ZNF324B: variants seen among roughly 807,000 people sequenced by gnomAD.
ZNF324B encodes the protein zinc finger protein 324B.
ZNF324B carries 7 observed loss-of-function variants against 10.6 expected under a neutral mutation model. The observed-to-expected ratio is 0.66, with a 90% CI of 0.38 to 1.24. The LOEUF is 1.24. ZNF324B is among the 50% of genes most tolerant of loss of function. The pLI, the probability that ZNF324B is intolerant of heterozygous loss-of-function variation, is 0.02. For synonymous variants in ZNF324B, 316 were observed against 321.0 expected, an observed-to-expected ratio of 0.98 and a Z score of 0.17; for missense variants, 640 against 764.7, an observed-to-expected ratio of 0.84 and a Z score of 1.92.
At position 58,457,009 on chromosome 19, in the gene ZNF324B, C is replaced by G. The variant is rs2052929772; in HGVS notation, c.*430C>G. ...ACACAAACTGGCCGCTAGACGGACGCTGAGGACATTTTCCCCCTGAGGCCT... is the reference window on the plus strand; with the variant it reads ...ACACAAACTGGCCGCTAGACGGACGGTGAGGACATTTTCCCCCTGAGGCCT... On this transcript the variant is annotated 3_prime_UTR_variant, in exon 4 of 4. Transcript: ENST00000336614. 1 of 196,176 alleles carries G rather than the reference C, an allele frequency of 5.1e-6. No homozygotes were observed. The highest frequency in any genetic ancestry group is 2.3e-5 in the African/African-American group (1 of 43,430). 12.2% of individuals were successfully genotyped at this position (196,176 alleles called of 1,614,324 possible).
the ZNF324B span, among the ~76,000 whole-genome samples, chr19:58,439,198 C>T: frequency 6.6e-6 from 1 of 152,210 alleles, no homozygotes; most frequent in East Asian, 1.9e-4. Flanking sequence ...TGTCCAGCTA[C>T]CCAAAGCACA....
At chr19:58,431,688 T>C in the ZNF324B span, among the ~76,000 whole-genome samples, 1 of 152,150 alleles carries the variant, frequency 6.6e-6, no homozygotes, top group Non-Finnish European at 1.5e-5. Flanking sequence ...ACATGGTAAA[T>C]AAGCTTTTTA....
the ZNF324B span, chr19:58,442,967 G>C: frequency 1.3e-5 from 2 of 152,192 alleles, no homozygotes; most frequent in Non-Finnish European, 2.9e-5. Flanking sequence ...ATTTGGCCCT[G>C]CCCACATCCT....
the ZNF324B span, chr19:58,433,387 C>A: frequency 6.2e-7 from 1 of 1,614,100 alleles, no homozygotes; most frequent in Non-Finnish European, 8.5e-7. Context: ...CCCACACTGG[C>A]TACACTCATA....
chr19:58,456,167 A>C lies in ZNF324B; in HGVS notation c.1223A>C (p.Gln408Pro), dbSNP rs2052918461. Residue 408 changes from glutamine to proline, a missense_variant, in exon 4 of 4, where the codon CAG (glutamine) becomes CCG (proline). Gln to Pro is a moderately conservative substitution (Grantham distance 76). Around this residue, in one of 3 missense-constraint regions of ZNF324B, gnomAD observed 238 missense variants for 258.0 expected, o/e 0.92. Coordinates refer to ENST00000336614, the MANE Select transcript of ZNF324B (RefSeq NM_207395.3). This position sits in a 1 kb window ranked among gnomAD's most constrained non-coding sequence, Gnocchi z 4.7. Reference sequence around the variant, plus strand: ...GCGCTCTGCGGTGCTGCCTTCAGCCAGGGCTCCTCGCTCTTTTTGCACCAG... The same window carrying C: ...GCGCTCTGCGGTGCTGCCTTCAGCCCGGGCTCCTCGCTCTTTTTGCACCAG... ...VCALCGAAFSQGSSLFLHQRV... is the reference protein window; with the variant it reads ...VCALCGAAFSPGSSLFLHQRV... 1 of 1,613,198 alleles carries C rather than the reference A, an allele frequency of 6.2e-7. No homozygotes were observed. The highest frequency in any genetic ancestry group is 1.1e-5 in the South Asian group (1 of 91,068).
rs770711255 is a variant in ZNF324B at position 58,455,532 on chromosome 19, G to A, written c.588G>A (p.Lys196=). 1.9e-5 allele frequency: 31 copies of A among 1,614,082 alleles called. No homozygotes were observed. In the Middle Eastern group the frequency reaches 4.9e-4, roughly 26 times the overall value. Reference sequence around the variant, plus strand: ...AGCCCAGGACGCCTGAGCGGCAGAAGCCATGTGCACAGGAGGTCCCTGGGA... The same window carrying A: ...AGCCCAGGACGCCTGAGCGGCAGAAACCATGTGCACAGGAGGTCCCTGGGA... The part of the protein sequence containing the change: ...GRQPRTPERQ[K]PCAQEVPGRA... Residue 196 remains lysine, a synonymous_variant, in exon 4 of 4, where the codon AAG becomes AAA. Coordinates refer to ENST00000336614, the MANE Select transcript of ZNF324B (RefSeq NM_207395.3). This position sits in a 1 kb window ranked among gnomAD's most constrained non-coding sequence, Gnocchi z 7.0.
the ZNF324B span, among the ~76,000 whole-genome samples, chr19:58,427,335 CTTTCTTTCTCTTTCCTTTCTTTCTTT>C: frequency 2.1e-5 from 2 of 96,822 alleles, no homozygotes; most frequent in East Asian, 4.8e-4. Context: ...TTCTTTCTTT[CTTTCTTTCTCTTTCCTTTCTTTCTTT>C]CTTTCTTTCT....
upstream of ZNF324B, among the ~76,000 whole-genome samples, chr19:58,446,743 AT>A (rs2052829770): frequency 6.6e-6 from 1 of 150,792 alleles, no homozygotes; most frequent in Admixed American, 6.6e-5. Context: ...CGCCCGGCTA[AT>A]TTTTTGTATT....
chr19:58,455,212 G>A lies in ZNF324B; in HGVS notation c.268G>A (p.Val90Ile), dbSNP rs370040670. Reference protein sequence around the residue: ...GSWSLTEDRDVSGEWPRAFPD... With the variant: ...GSWSLTEDRDISGEWPRAFPD... The stretch of plus-strand genomic sequence containing the variant: ...CTGGAGTTTGACAGAGGATAGAGAT[G>A]TTTCTGGAGAATGGCCACGAGCTTT... The change falls in exon 4 of 4, where the codon GTT becomes ATT. Residue 90 changes from valine (V) to isoleucine (I), a missense_variant. Around this residue, in one of 3 missense-constraint regions of ZNF324B, gnomAD observed 345 missense variants for 387.9 expected, o/e 0.89. Transcript: ENST00000336614. This position sits in a 1 kb window ranked among gnomAD's most constrained non-coding sequence, Gnocchi z 7.0. 1.7e-5 allele frequency: 27 copies of A among 1,614,062 alleles called. No homozygotes were observed. Among genetic ancestry groups the A allele is most frequent in the African/African-American group, 1.6e-4 (12 of 74,910 alleles).
At chr19:58,440,129 C>T in the ZNF324B span, 2 of 419,762 alleles carry the variant, frequency 4.8e-6, no homozygotes, top group African/African-American at 4.2e-5. Context: ...GCCCAACCCA[C>T]CAGCAGCAAA....
chr19:58,424,680 T>C, the ZNF324B span, among the ~76,000 whole-genome samples: 2 of 152,160 alleles, frequency 1.3e-5, no homozygotes, highest in African/African-American at 4.8e-5. Context: ...GTTCTTAAAA[T>C]GTTAAACATA....
chr19:58,427,377 T>C, the ZNF324B span, among the ~76,000 whole-genome samples: 415 of 45,848 alleles, frequency 9.1e-3, 11 homozygotes, highest in African/African-American at 0.03. Context: ...TTTCTTTCTT[T>C]CTTTCTTTCT....
chr19:58,420,418 CA>C, the ZNF324B span, among the ~76,000 whole-genome samples: 780 of 134,784 alleles, frequency 5.8e-3, 2 homozygotes, highest in East Asian at 0.011. Context: ...GACTCTGTCT[CA>C]AAAAAAAAAA....
chr19:58,427,504 T>C, the ZNF324B span, among the ~76,000 whole-genome samples: 162 of 104,522 alleles, frequency 1.5e-3, no homozygotes, highest in African/African-American at 3.3e-3. Flanking sequence ...CTTTCTTTCT[T>C]TTTCTTTCTT....
chr19:58,420,783 C>G, the ZNF324B span, among the ~76,000 whole-genome samples: 2 of 151,844 alleles, frequency 1.3e-5, no homozygotes, highest in South Asian at 4.2e-4. Context: ...TCTCAGCACA[C>G]TGCAACCTCC....
At position 58,454,936 on chromosome 19, in the gene ZNF324B, G is replaced by A. The variant is rs1327618758; in HGVS notation, c.239-247G>A. 4.6e-6 allele frequency: 3 copies of A among 647,600 alleles called. No individual in the cohort carries two copies. In the African/African-American group the frequency reaches 5.4e-5, roughly 12 times the overall value. The allele number at this position is 647,600 out of a possible 1,614,324, so 40.1% of individuals were successfully genotyped here. ...CACGCAGCAGCTGCTGTTTTCCTCAGCTTCACATCCTGGGTGTCTGGGGGC... is the reference window on the plus strand; with the variant it reads ...CACGCAGCAGCTGCTGTTTTCCTCAACTTCACATCCTGGGTGTCTGGGGGC... On this transcript the variant is annotated intron_variant, in intron 3 of 3. Transcript: ENST00000336614.
At chr19:58,425,275 G>T in the ZNF324B span, among the ~76,000 whole-genome samples, 24,627 of 151,718 alleles carry the variant, frequency 0.16, 2,413 homozygotes, top group Non-Finnish European at 0.22. Context: ...AAAAAGATGG[G>T]GTCTTGCTCT....
the ZNF324B span, among the ~76,000 whole-genome samples, chr19:58,423,231 C>T: frequency 6.6e-6 from 1 of 152,124 alleles, no homozygotes; most frequent in Non-Finnish European, 1.5e-5. Flanking sequence ...GCGATCTCGG[C>T]TCACTGCAAG....
the ZNF324B span, among the ~76,000 whole-genome samples, chr19:58,427,349 C>CTTTCTTTCTTTCCTTCTTTCTTT: frequency 1.8e-5 from 1 of 55,960 alleles, no homozygotes; most frequent in Non-Finnish European, 3.5e-5. Flanking sequence ...CTTTCTCTTT[C>CTTTCTTTCTTTCCTTCTTTCTTT]CTTTCTTTCT....
Sources: allele counts gnomAD v4.1 joint callset (sites outside exome capture counted in the v4.1 genomes callset), GRCh38; gene constraint gnomAD v4.1.1; regional missense constraint gnomAD v4.1.1; non-coding constraint Gnocchi (gnomAD v3.1); transcripts MANE v1.5; gene names NCBI Gene and HGNC (gene_info 2026-07-23, HGNC 2026-07-21).